The following PLPP4 variants were observed in gnomAD, a reference collection of about 807,000 sequenced individuals.
The protein encoded by PLPP4 is phospholipid phosphatase 4, also known as diacylglycerol pyrophosphate like 2.
PLPP4 carries 20 observed loss-of-function variants against 32.2 expected under a neutral mutation model. The observed-to-expected ratio is 0.62, with a 90% CI of 0.44 to 0.90. PLPP4 has a LOEUF of 0.90. Among genes scored for constraint, PLPP4 ranks in the 40% least tolerant of loss-of-function variants. PLPP4 has a pLI of 0.00. For synonymous variants in PLPP4, 127 were observed against 133.0 expected (o/e 0.95, Z 0.31); for missense variants, 257 against 353.1 (o/e 0.73, Z 2.18).
At chr10:120,484,235 T>C (rs1269477675) in intron 1 of PLPP4, among the ~76,000 whole-genome samples, 2 of 152,254 alleles carry the variant, frequency 1.3e-5, no homozygotes, top group African/African-American at 4.8e-5. Context: ...GAGCACAGGA[T>C]CTGCTATATT....
rs1252902557 is a variant in PLPP4, at chr10:120,589,770, C to A, written c.*268C>A. On this transcript the variant is annotated 3_prime_UTR_variant, in exon 7 of 7. Transcript: ENST00000398250. ...GGTTTGGGGAGCTTGGCCGATTCGT[C>A]TATCTGAAATGTTTGCTGTAACAGC... The A allele has an allele frequency of 4.8e-6, 2 of 417,750 alleles. No individual in the cohort carries two copies. The highest frequency in any genetic ancestry group is 7.9e-5 in the East Asian group (2 of 25,372). The allele number at this position is 417,750 out of a possible 1,614,324, so 25.9% of individuals were successfully genotyped here. A position where few individuals can be genotyped will look rare whatever the true frequency, so the allele number is the denominator to read the frequency against.
chr10:120,487,787 CAGAA>C (rs2133830850), intron 1 of PLPP4, among the ~76,000 whole-genome samples: 1 of 152,240 alleles, frequency 6.6e-6, no homozygotes, highest in South Asian at 2.1e-4. Context: ...ATGAGGAACA[CAGAA>C]AGAGAGAGAA....
At chr10:120,575,408 A>C (rs1849176534) in intron 6 of PLPP4, 107 bp downstream of exon 6, 3 of 1,212,902 alleles carry the variant, frequency 2.5e-6, no homozygotes, top group Non-Finnish European at 3.5e-6. Context: ...CCCATTGTCC[A>C]AAACCAGAGG....
chr10:120,574,187 CTCTCTCTCT>C (rs1849098647), intron 5 of PLPP4, among the ~76,000 whole-genome samples: 7 of 117,626 alleles, frequency 6.0e-5, no homozygotes, highest in African/African-American at 2.8e-4. Context: ...CTCTCTCTCT[CTCTCTCTCT>C]CTCTCTCTCT....
intron 1 of PLPP4, 152 bp from the exon 2 acceptor site, chr10:120,503,666 C>G: frequency 6.3e-7 from 1 of 1,594,670 alleles, no homozygotes; most frequent in South Asian, 1.1e-5. Flanking sequence ...AGCCTTTGAA[C>G]CAGCTGAGAA....
chr10:120,541,859 T>C (rs1977403), intron 5 of PLPP4, among the ~76,000 whole-genome samples: 137,939 of 151,660 alleles, frequency 0.91, 62,875 homozygotes, highest in East Asian at 0.96. Context: ...ACTGCAACCT[T>C]TGTCTCCTGG....
At chr10:120,501,513 A>G (rs537211458) in intron 1 of PLPP4, among the ~76,000 whole-genome samples, 22 of 152,274 alleles carry the variant, frequency 1.4e-4, no homozygotes, top group African/African-American at 4.6e-4. Context: ...AGGTGTGTCT[A>G]TTTTAGAGAT....
intron 1 of PLPP4, among the ~76,000 whole-genome samples, chr10:120,487,113 A>G (rs1475374): frequency 1.3e-5 from 2 of 152,138 alleles, no homozygotes; most frequent in Admixed American, 1.3e-4. Context: ...TGTTATCCAC[A>G]CTTGCTGTGC....
chr10:120,586,463 C>T (rs778345896), intron 6 of PLPP4, among the ~76,000 whole-genome samples: 6 of 152,132 alleles, frequency 3.9e-5, no homozygotes, highest in Non-Finnish European at 8.8e-5. Flanking sequence ...TCCAAATAAT[C>T]TCAATGTGTG....
chr10:120,590,959 G>T lies in PLPP4; in HGVS notation c.*1457G>T, dbSNP rs1177783961. Reference sequence around the variant, plus strand: ...AATTTTTGTATTTTTAGTAGACACGGGGTTTCACCACGTTGGCCAGGCTGG... The same window carrying T: ...AATTTTTGTATTTTTAGTAGACACGTGGTTTCACCACGTTGGCCAGGCTGG... On this transcript the variant is annotated 3_prime_UTR_variant, in exon 7 of 7. Transcript: ENST00000398250. Among the ~76,000 whole-genome samples the T allele has an allele frequency of 6.6e-6, 1 of 151,928 alleles. No individual in the cohort carries two copies. The highest frequency in any genetic ancestry group is 1.5e-5 in the Non-Finnish European group (1 of 67,980).
At chr10:120,584,345 C>G (rs976825403) in intron 6 of PLPP4, among the ~76,000 whole-genome samples, 18 of 152,216 alleles carry the variant, frequency 1.2e-4, no homozygotes, top group African/African-American at 3.9e-4. Flanking sequence ...CTGCAAATTG[C>G]TGATACGGCT....
At chr10:120,519,820 G>A (rs1280419497) in intron 4 of PLPP4, among the ~76,000 whole-genome samples, 1 of 152,162 alleles carries the variant, frequency 6.6e-6, no homozygotes, top group Non-Finnish European at 1.5e-5. Flanking sequence ...AACTTCACCC[G>A]TGGTAGGTGC....
At chr10:120,585,832 T>C (rs1453835394) in intron 6 of PLPP4, among the ~76,000 whole-genome samples, 1 of 151,452 alleles carries the variant, frequency 6.6e-6, no homozygotes, top group East Asian at 1.9e-4. Context: ...CCTTTTCTTC[T>C]TCATTCTTGG....
intron 1 of PLPP4, among the ~76,000 whole-genome samples, chr10:120,466,645 C>T (rs1848330191): frequency 6.6e-6 from 1 of 152,158 alleles, no homozygotes; most frequent in Non-Finnish European, 1.5e-5. Flanking sequence ...TTAGGTTGAA[C>T]TGAATGACAT....
At chr10:120,582,595 G>C (rs1231083737) in intron 6 of PLPP4, among the ~76,000 whole-genome samples, 3 of 152,108 alleles carry the variant, frequency 2.0e-5, no homozygotes, top group Admixed American at 2.0e-4. Context: ...ATTTATAACA[G>C]TCTTCAATAC....
At chr10:120,515,697 C>A (rs1292663287) in intron 3 of PLPP4, among the ~76,000 whole-genome samples, 2 of 152,208 alleles carry the variant, frequency 1.3e-5, no homozygotes, top group Non-Finnish European at 2.9e-5. Context: ...AGGTGTGCCT[C>A]CACACATGGC....
intron 5 of PLPP4, among the ~76,000 whole-genome samples, chr10:120,571,699 C>T (rs2134042655): frequency 6.6e-6 from 1 of 152,160 alleles, no homozygotes; most frequent in Admixed American, 6.5e-5. Context: ...CCCTTAGCTG[C>T]CAGGAAGAGT....
At chr10:120,530,453 G>A (rs1846651093) in intron 5 of PLPP4, among the ~76,000 whole-genome samples, 1 of 152,248 alleles carries the variant, frequency 6.6e-6, no homozygotes, top group East Asian at 1.9e-4. Context: ...GGCTCAGTAT[G>A]TCTTGAAATC....
At chr10:120,585,167 G>A (rs1029044553) in intron 6 of PLPP4, among the ~76,000 whole-genome samples, 3 of 152,224 alleles carry the variant, frequency 2.0e-5, no homozygotes, top group African/African-American at 4.8e-5. Context: ...CAAAACAATA[G>A]TGCAACTCTA....
Sources: gnomAD v4.1 joint callset for allele counts (sites outside exome capture counted in the v4.1 genomes callset) on GRCh38, gnomAD v4.1.1 for gene constraint, MANE v1.5 for transcripts, NCBI Gene and HGNC (gene_info 2026-07-23, HGNC 2026-07-21) for gene names.